The following SLC9A9 variants were observed in gnomAD, a reference collection of about 807,000 sequenced individuals.
SLC9A9 encodes the protein solute carrier family 9 member A9.
A neutral mutation model predicts 77.8 loss-of-function variants in SLC9A9; 62 were observed. The observed-to-expected ratio is 0.80, with a 90% CI of 0.65 to 0.98. The LOEUF (loss-of-function observed/expected upper bound fraction) is 0.98. SLC9A9 is among the 50% of genes least tolerant of loss of function. The probability of loss-of-function intolerance (pLI) is 0.00; values close to 1 mark genes in which losing one functional copy is unlikely to be tolerated. For missense variants in SLC9A9, 775 were observed against 774.9 expected (o/e 1.00, Z 0.00); for synonymous variants, 320 against 283.5 (o/e 1.13, Z -1.29).
intron 13 of SLC9A9, among the ~76,000 whole-genome samples, chr3:143,364,100 T>C (rs2032830295): frequency 6.6e-6 from 1 of 152,194 alleles, no homozygotes; most frequent in Non-Finnish European, 1.5e-5. Context: ...TTGAATGTGC[T>C]TGTCTACCTC....
At chr3:143,293,383 A>T (rs891183595) in intron 14 of SLC9A9, among the ~76,000 whole-genome samples, 2 of 152,224 alleles carry the variant, frequency 1.3e-5, no homozygotes, top group African/African-American at 4.8e-5. Flanking sequence ...TATTGTGTAC[A>T]TAAAGTTAGC....
chr3:143,354,849 A>C (rs1274680179), intron 14 of SLC9A9, among the ~76,000 whole-genome samples: 1 of 152,238 alleles, frequency 6.6e-6, no homozygotes, highest in Non-Finnish European at 1.5e-5. Context: ...TAATAACAAA[A>C]CACCATGGCT....
chr3:143,550,590 G>C (rs2036864209), intron 9 of SLC9A9, among the ~76,000 whole-genome samples: 1 of 152,114 alleles, frequency 6.6e-6, no homozygotes, highest in Non-Finnish European at 1.5e-5. Flanking sequence ...TGTGGCCCTA[G>C]CAAAGCCCAC....
intron 13 of SLC9A9, among the ~76,000 whole-genome samples, chr3:143,374,963 C>T (rs1000712214): frequency 3.3e-5 from 5 of 152,148 alleles, no homozygotes; most frequent in African/African-American, 7.2e-5. Context: ...TTCTAACCAT[C>T]CTTCTACTCT....
chr3:143,402,956 A>G (rs2033897633), intron 12 of SLC9A9, among the ~76,000 whole-genome samples: 1 of 138,222 alleles, frequency 7.2e-6, no homozygotes, highest in Admixed American at 7.4e-5. Flanking sequence ...GTGTTACAAT[A>G]TACATCTCAA....
intron 4 of SLC9A9, among the ~76,000 whole-genome samples, chr3:143,773,488 CT>C (rs869188697): frequency 2.4e-3 from 344 of 141,232 alleles, no homozygotes; most frequent in East Asian, 2.5e-3. Context: ...TTTACTTTTT[CT>C]TTTTTTTTTT....
chr3:143,805,522 C>T (rs2008686941), intron 2 of SLC9A9, among the ~76,000 whole-genome samples: 1 of 152,136 alleles, frequency 6.6e-6, no homozygotes, highest in African/African-American at 2.4e-5. Flanking sequence ...CCCCTGTGAC[C>T]TTCACTTATA....
At chr3:143,595,932 T>TA (rs1304875319) in intron 6 of SLC9A9, among the ~76,000 whole-genome samples, 5 of 152,068 alleles carry the variant, frequency 3.3e-5, no homozygotes, top group African/African-American at 4.8e-5. Context: ...TTTGTCTTAG[T>TA]AAAAAAAATT....
chr3:143,511,447 C>T (rs538000018), intron 9 of SLC9A9, among the ~76,000 whole-genome samples: 9 of 152,262 alleles, frequency 5.9e-5, no homozygotes, highest in African/African-American at 1.9e-4. Context: ...TTTGCTATCT[C>T]GTCAGCACTG....
intron 2 of SLC9A9, among the ~76,000 whole-genome samples, chr3:143,799,377 G>A (rs567690281): frequency 1.1e-4 from 16 of 152,140 alleles, no homozygotes; most frequent in African/African-American, 2.2e-4. Context: ...AATTAACCAC[G>A]CCTTCAAGGT....
chr3:143,545,464 C>G (rs1206884038), intron 9 of SLC9A9, among the ~76,000 whole-genome samples: 1 of 152,230 alleles, frequency 6.6e-6, no homozygotes, highest in African/African-American at 2.4e-5. Context: ...ACAAGAACCA[C>G]GTGGTATTTG....
chr3:143,319,740 T>C (rs1576422233), intron 14 of SLC9A9, among the ~76,000 whole-genome samples: 1 of 152,126 alleles, frequency 6.6e-6, no homozygotes, highest in Admixed American at 6.5e-5. Context: ...AGAAACTAAG[T>C]GGGGAAGGTG....
At chr3:143,699,686 G>T (rs961526367) in intron 4 of SLC9A9, among the ~76,000 whole-genome samples, 2 of 152,146 alleles carry the variant, frequency 1.3e-5, no homozygotes, top group African/African-American at 4.8e-5. Flanking sequence ...CTTGAGTTCT[G>T]CCAAGCCTCC....
chr3:143,676,598 G>A (rs1425509684), intron 5 of SLC9A9, among the ~76,000 whole-genome samples: 1 of 151,996 alleles, frequency 6.6e-6, no homozygotes, highest in Non-Finnish European at 1.5e-5. Flanking sequence ...TTAGCTGGGC[G>A]TGGCGGCGTG....
At chr3:143,322,719 G>A (rs1410579155) in intron 14 of SLC9A9, among the ~76,000 whole-genome samples, 1 of 152,146 alleles carries the variant, frequency 6.6e-6, no homozygotes, top group Non-Finnish European at 1.5e-5. Flanking sequence ...TATTTCTGGT[G>A]TATTAACTAG....
intron 6 of SLC9A9, among the ~76,000 whole-genome samples, chr3:143,645,420 T>C (rs1469034136): frequency 2.0e-5 from 3 of 152,176 alleles, no homozygotes; most frequent in Non-Finnish European, 4.4e-5. Context: ...TTTGCCTACT[T>C]CAGTGAGGAG....
At chr3:143,494,389 G>A (rs2035799335) in intron 10 of SLC9A9, among the ~76,000 whole-genome samples, 1 of 152,146 alleles carries the variant, frequency 6.6e-6, no homozygotes, top group African/African-American at 2.4e-5. Context: ...CTTCCCCGAT[G>A]GGCTATTCTA....
intron 14 of SLC9A9, among the ~76,000 whole-genome samples, chr3:143,275,994 G>A (rs1938035832): frequency 6.6e-6 from 1 of 152,172 alleles, no homozygotes; most frequent in Non-Finnish European, 1.5e-5. Context: ...TGCATGATGA[G>A]CTTTCCTGCT....
chr3:143,358,220 A>C (rs2108479716), intron 14 of SLC9A9, among the ~76,000 whole-genome samples: 1 of 152,276 alleles, frequency 6.6e-6, no homozygotes, highest in South Asian at 2.1e-4. Flanking sequence ...AGAATGGGAA[A>C]TGCAAGCATT....
Sources: allele counts gnomAD v4.1 joint callset (sites outside exome capture counted in the v4.1 genomes callset), GRCh38; gene constraint gnomAD v4.1.1; transcripts MANE v1.5; gene names NCBI Gene and HGNC (gene_info 2026-07-23, HGNC 2026-07-21).